The following KALRN variants were observed in gnomAD, a reference collection of about 807,000 sequenced individuals.
KALRN encodes the protein kalirin RhoGEF kinase, also known as kalirin.
A neutral mutation model predicts 353.7 loss-of-function variants in KALRN; 70 were observed. That is an observed-to-expected ratio of 0.20 (90% CI 0.16 to 0.24). The LOEUF is 0.24. KALRN is among the 10% of genes least tolerant of loss of function. The pLI is 1.00. For missense variants in KALRN, 2,791 were observed against 3,756.7 expected (o/e 0.74, Z 6.72); for synonymous variants, 1,391 against 1,434.8 (o/e 0.97, Z 0.69).
At chr3:124,290,103 G>A (rs1332881032) in intron 5 of KALRN, among the ~76,000 whole-genome samples, 1 of 152,166 alleles carries the variant, frequency 6.6e-6, no homozygotes, top group African/African-American at 2.4e-5. Flanking sequence ...TGTCATTTTT[G>A]TCATGCTGAG....
At chr3:124,401,219 A>G (rs531959434) in intron 13 of KALRN, among the ~76,000 whole-genome samples, 19 of 152,336 alleles carry the variant, frequency 1.2e-4, no homozygotes, top group African/African-American at 4.1e-4. Flanking sequence ...CACTTAAATT[A>G]TGGAGCCAAG....
intron 1 of KALRN, among the ~76,000 whole-genome samples, chr3:124,035,842 A>G (rs1432560799): frequency 6.6e-6 from 1 of 152,148 alleles, no homozygotes; most frequent in Non-Finnish European, 1.5e-5. Context: ...CCAGTGGCTG[A>G]GCTAAGTCTG....
chr3:124,503,274 G>A (rs1019015737), intron 33 of KALRN, among the ~76,000 whole-genome samples: 2 of 152,064 alleles, frequency 1.3e-5, no homozygotes, highest in African/African-American at 2.4e-5. Flanking sequence ...GTCTAAACTT[G>A]GGCTTTATAA....
At position 124,678,079 on chromosome 3, in the gene KALRN, C is replaced by T. The variant is rs569429565; in HGVS notation, c.7194-111C>T. ...GTGCAGGTTTGGGGCCTCTGAAGCC[C>T]GGGCTTGATGGAGCACCTCACCTGC... is the stretch of plus-strand genomic sequence containing the variant. On this transcript the variant is annotated intron_variant, in intron 49 of 59. Coordinates refer to ENST00000682506, the MANE Select transcript of KALRN (RefSeq NM_001388419.1). 123 of 1,211,322 alleles carry T rather than the reference C, an allele frequency of 1.0e-4. 3 individuals are homozygous for T. In the South Asian group the frequency reaches 1.2e-3, roughly 12 times the overall value. The allele number at this position is 1,211,322 out of a possible 1,614,324, so 75.0% of individuals were successfully genotyped here. A position where few individuals can be genotyped will look rare whatever the true frequency, so the allele number is the denominator to read the frequency against.
chr3:124,364,898 CTG>C (rs1285544576), intron 10 of KALRN, among the ~76,000 whole-genome samples: 1 of 152,228 alleles, frequency 6.6e-6, no homozygotes, highest in Non-Finnish European at 1.5e-5. Context: ...CTTTCCAAAT[CTG>C]TACTATTGCC....
chr3:124,715,154 A>AT (rs2150809246), intron 58 of KALRN, among the ~76,000 whole-genome samples: 1 of 152,368 alleles, frequency 6.6e-6, no homozygotes, highest in South Asian at 2.1e-4. Context: ...AAAAGCATGC[A>AT]TTGGAGAAGA....
intron 1 of KALRN, among the ~76,000 whole-genome samples, chr3:124,065,959 C>A (rs933247856): frequency 2.0e-5 from 3 of 152,184 alleles, no homozygotes; most frequent in Admixed American, 6.5e-5. Flanking sequence ...TCCAACTCAG[C>A]TCACTTTCCA....
At chr3:124,697,101 T>G (rs921351944) in intron 54 of KALRN, among the ~76,000 whole-genome samples, 2 of 152,134 alleles carry the variant, frequency 1.3e-5, no homozygotes. Context: ...TTAAACTTTT[T>G]GTAGTGATGG....
intron 45 of KALRN, among the ~76,000 whole-genome samples, chr3:124,663,790 A>G (rs78906817): frequency 0.013 from 1,926 of 152,270 alleles, 42 homozygotes; most frequent in African/African-American, 0.044. Flanking sequence ...TAGATACAAG[A>G]CAGAGATATA....
At chr3:124,506,919 C>G (rs2065291824) in intron 33 of KALRN, among the ~76,000 whole-genome samples, 1 of 152,148 alleles carries the variant, frequency 6.6e-6, no homozygotes, top group Admixed American at 6.5e-5. Flanking sequence ...ATTAATTCAT[C>G]AGTCATTTTC....
At chr3:124,243,111 C>T (rs2080702390) in intron 3 of KALRN, among the ~76,000 whole-genome samples, 1 of 152,188 alleles carries the variant, frequency 6.6e-6, no homozygotes, top group African/African-American at 2.4e-5. Flanking sequence ...ACCCACCTGC[C>T]TGTCTGTTTC....
intron 1 of KALRN, among the ~76,000 whole-genome samples, chr3:124,196,721 T>C (rs532820761): frequency 5.9e-5 from 9 of 152,226 alleles, no homozygotes; most frequent in Non-Finnish European, 7.3e-5. Context: ...ATGAACATCT[T>C]TCAATGTTGT....
intron 34 of KALRN, among the ~76,000 whole-genome samples, chr3:124,592,063 C>T (rs1381570415): frequency 2.6e-5 from 4 of 152,052 alleles, no homozygotes; most frequent in African/African-American, 7.2e-5. Flanking sequence ...CACTCTGGGA[C>T]GCTGAGGCAG....
At chr3:124,367,515 A>C (rs1396666275) in intron 10 of KALRN, among the ~76,000 whole-genome samples, 2 of 78,570 alleles carry the variant, frequency 2.5e-5, no homozygotes, top group Non-Finnish European at 2.5e-5. Context: ...GGGGGGGCTG[A>C]CCCCCCCACC....
chr3:124,656,883 C>G (rs555696538), intron 39 of KALRN, among the ~76,000 whole-genome samples: 2 of 152,074 alleles, frequency 1.3e-5, no homozygotes, highest in African/African-American at 4.8e-5. Flanking sequence ...CAGTCCAGCC[C>G]AGGAGTAGAG....
chr3:124,310,858 A>G (rs1310687014), intron 6 of KALRN, among the ~76,000 whole-genome samples: 2 of 152,164 alleles, frequency 1.3e-5, no homozygotes, highest in African/African-American at 4.8e-5. Flanking sequence ...ATTTGCAAAT[A>G]TTTATCTGAT....
At chr3:124,548,350 C>T (rs550659236) in intron 33 of KALRN, among the ~76,000 whole-genome samples, 2 of 152,294 alleles carry the variant, frequency 1.3e-5, no homozygotes, top group South Asian at 4.1e-4. Context: ...GAGGGTCTGC[C>T]ATCTTGACTT....
chr3:124,068,011 A>G (rs1443577153), intron 1 of KALRN, among the ~76,000 whole-genome samples: 1 of 152,198 alleles, frequency 6.6e-6, no homozygotes, highest in African/African-American at 2.4e-5. Context: ...AGGAGGTCAA[A>G]CCATGGGTCT....
chr3:124,206,809 G>A (rs1226700267), intron 1 of KALRN, among the ~76,000 whole-genome samples: 1 of 152,174 alleles, frequency 6.6e-6, no homozygotes, highest in African/African-American at 2.4e-5. Flanking sequence ...ATCATTAACA[G>A]TCAATGGGAT....
Sources: gnomAD v4.1 joint callset for allele counts (sites outside exome capture counted in the v4.1 genomes callset) on GRCh38, gnomAD v4.1.1 for gene constraint, MANE v1.5 for transcripts, NCBI Gene and HGNC (gene_info 2026-07-23, HGNC 2026-07-21) for gene names.